The following NRXN1 variants were observed in gnomAD, a reference collection of about 807,000 sequenced individuals.
The protein encoded by NRXN1 is neurexin-1.
A neutral mutation model predicts 150.9 loss-of-function variants in NRXN1; 39 were observed. The ratio of observed to expected loss-of-function variants is 0.26; its 90% CI spans 0.20 to 0.34. The LOEUF (loss-of-function observed/expected upper bound fraction) is 0.34. Among genes scored for constraint, NRXN1 ranks in the 10% least tolerant of loss-of-function variants. NRXN1 has a pLI of 1.00. For missense variants in NRXN1, 1,815 were observed against 1,949.9 expected (o/e 0.93, Z 1.30); for synonymous variants, 924 against 757.0 (o/e 1.22, Z -3.62).
At chr2:50,276,950 G>A (rs987555270) in intron 17 of NRXN1, among the ~76,000 whole-genome samples, 2 of 152,114 alleles carry the variant, frequency 1.3e-5, no homozygotes, top group Admixed American at 6.6e-5. Flanking sequence ...CCCCTGCTTT[G>A]ACTAGGGCTC....
At chr2:50,152,280 A>C (rs573496839) in intron 18 of NRXN1, among the ~76,000 whole-genome samples, 1 of 151,934 alleles carries the variant, frequency 6.6e-6, no homozygotes, top group Admixed American at 6.6e-5. Context: ...ACATTATATA[A>C]GTAGAATCAT....
chr2:50,951,214 G>C (rs13404615), intron 2 of NRXN1, among the ~76,000 whole-genome samples: 1 of 152,092 alleles, frequency 6.6e-6, no homozygotes, highest in African/African-American at 2.4e-5. Flanking sequence ...GATGAGATGA[G>C]AGGAGATGAG....
chr2:49,928,606 CT>C (rs751848104), intron 22 of NRXN1, among the ~76,000 whole-genome samples: 1 of 151,860 alleles, frequency 6.6e-6, no homozygotes, highest in Non-Finnish European at 1.5e-5. Context: ...GATTAGCACA[CT>C]TTTTTCCCCC....
At chr2:50,250,926 T>C (rs576169589) in intron 17 of NRXN1, among the ~76,000 whole-genome samples, 2 of 151,608 alleles carry the variant, frequency 1.3e-5, no homozygotes, top group East Asian at 1.9e-4. Context: ...ACATTGCATA[T>C]GTAATAAATT....
intron 9 of NRXN1, among the ~76,000 whole-genome samples, chr2:50,540,087 T>A (rs1487772047): frequency 6.6e-6 from 1 of 152,130 alleles, no homozygotes; most frequent in Non-Finnish European, 1.5e-5. Context: ...TGGAAGCCAC[T>A]GACAAAGACT....
intron 19 of NRXN1, among the ~76,000 whole-genome samples, chr2:50,064,139 T>C (rs1378927457): frequency 6.6e-6 from 1 of 152,056 alleles, no homozygotes; most frequent in South Asian, 2.1e-4. Flanking sequence ...ACTAATTACA[T>C]ATGTGTGCAT....
intron 16 of NRXN1, among the ~76,000 whole-genome samples, chr2:50,468,793 A>T (rs955864549): frequency 2.6e-5 from 4 of 151,456 alleles, no homozygotes; most frequent in Admixed American, 1.3e-4. Context: ...AAAAAAAGGC[A>T]ATGATACCTA....
intron 18 of NRXN1, among the ~76,000 whole-genome samples, chr2:50,145,130 C>A (rs1031086123): frequency 1.3e-5 from 2 of 151,318 alleles, no homozygotes; most frequent in African/African-American, 4.8e-5. Flanking sequence ...TTTAAAAAAC[C>A]TTTAGATCTA....
intron 17 of NRXN1, among the ~76,000 whole-genome samples, chr2:50,403,388 T>C (rs2082528226): frequency 6.6e-6 from 1 of 152,152 alleles, no homozygotes; most frequent in Non-Finnish European, 1.5e-5. Flanking sequence ...ATCCCAAACC[T>C]ACTAAATCAG....
At chr2:50,502,410 T>G (rs2091993468) in intron 13 of NRXN1, among the ~76,000 whole-genome samples, 1 of 151,886 alleles carries the variant, frequency 6.6e-6, no homozygotes, top group African/African-American at 2.4e-5. Context: ...CCTAGTTCAC[T>G]CTACAATCTC....
At chr2:50,007,633 G>A (rs898221117) in intron 21 of NRXN1, among the ~76,000 whole-genome samples, 6 of 152,032 alleles carry the variant, frequency 3.9e-5, no homozygotes, top group Non-Finnish European at 8.8e-5. Flanking sequence ...GTCTATCATT[G>A]ATGGACATTT....
Position 50,206,850 on chromosome 2 carries a change from T to C in NRXN1, c.3546+29939A>G, listed in dbSNP as rs185357475. Among the ~76,000 whole-genome samples the C allele has an allele frequency of 2.7e-5, 4 of 150,464 alleles. No homozygotes were observed. The East Asian group carries it at 7.8e-4, about 29-fold the overall frequency. ...TATTATGAATTACACAAACAATGTG[T>C]GTGTATATACACACACACACAGAAA... is the stretch of plus-strand genomic sequence containing the variant. On this transcript the variant is annotated intron_variant, in intron 18 of 22. Transcript: ENST00000401669.
chr2:50,016,900 C>T (rs2152553943), intron 21 of NRXN1, among the ~76,000 whole-genome samples: 1 of 152,258 alleles, frequency 6.6e-6, no homozygotes, highest in African/African-American at 2.4e-5. Context: ...TTCCTTCCTC[C>T]ACTTCCAGAC....
rs1457191243 is a variant in NRXN1, at chr2:50,053,282, G to C, written c.4117C>G (p.Pro1373Ala). 6.2e-7 allele frequency: 1 copy of C among 1,613,848 alleles called. No individual in the cohort carries two copies. The highest frequency in any genetic ancestry group is 1.3e-5 in the African/African-American group (1 of 74,926). Residue 1373 changes from proline to alanine, a missense_variant, in exon 21 of 23, where the codon CCC (proline) becomes GCC (alanine). Pro to Ala is a conservative substitution (Grantham distance 27, BLOSUM62 -1). This residue lies in a region of NRXN1 where 265 missense variants were observed against 307.1 expected (regional missense o/e 0.86). Transcript: ENST00000401669. Reference protein sequence around the residue: ...ARRGKPPTKEPISQTTDDILV... With the variant: ...ARRGKPPTKEAISQTTDDILV... ...ATCCACAGGCTCACCTGGCTAATGG[G>C]TTCTTTTGTCGGGGGCTTTCCTCTT...
chr2:50,107,518 TAC>T (rs1380809883), intron 18 of NRXN1, among the ~76,000 whole-genome samples: 44 of 104,284 alleles, frequency 4.2e-4, no homozygotes, highest in African/African-American at 1.5e-3. Context: ...CATTCCAGAC[TAC>T]ATATATATAT....
chr2:50,135,129 T>C (rs1486192256), intron 18 of NRXN1, among the ~76,000 whole-genome samples: 2 of 152,216 alleles, frequency 1.3e-5, no homozygotes, highest in African/African-American at 4.8e-5. Context: ...CAGAAAAGCA[T>C]GCTTACTGTT....
intron 17 of NRXN1, among the ~76,000 whole-genome samples, chr2:50,373,721 GAC>G (rs2080278078): frequency 6.8e-6 from 1 of 147,554 alleles, no homozygotes; most frequent in Non-Finnish European, 1.5e-5. Flanking sequence ...GAGAAAGAAA[GAC>G]AGACAGACTA....
At position 50,014,572 on chromosome 2, in the gene NRXN1, C is replaced by T. The variant is rs551635987; in HGVS notation, c.4128+38699G>A. Among the ~76,000 whole-genome samples the T allele has an allele frequency of 5.9e-5, 9 of 152,232 alleles. No homozygotes were observed. In the East Asian group the frequency reaches 1.4e-3, roughly 23 times the overall value. ...GTGTCTCCAGACATTGCCAAATACT[C>T]GAGGGCAAAATCTCCCTAGTTGAGA... On this transcript the variant is annotated intron_variant, in intron 21 of 22. Coordinates refer to ENST00000401669, the MANE Select transcript of NRXN1 (RefSeq NM_001330078.2).
chr2:50,304,193 C>G (rs372347911), intron 17 of NRXN1, among the ~76,000 whole-genome samples: 1 of 151,872 alleles, frequency 6.6e-6, no homozygotes, highest in African/African-American at 2.4e-5. Flanking sequence ...CTGGGCACAC[C>G]GAAATAAATT....
Sources: allele counts gnomAD v4.1 joint callset (sites outside exome capture counted in the v4.1 genomes callset), GRCh38; gene constraint gnomAD v4.1.1; regional missense constraint gnomAD v4.1.1; transcripts MANE v1.5; gene names NCBI Gene and HGNC (gene_info 2026-07-23, HGNC 2026-07-21).